CHST12: variants seen among roughly 807,000 people sequenced by gnomAD.
CHST12 encodes the protein carbohydrate (chondroitin 4) sulfotransferase 12.
A neutral mutation model predicts 27.9 loss-of-function variants in CHST12; 23 were observed. That is an observed-to-expected ratio of 0.82 (90% CI 0.59 to 1.17). CHST12 has a LOEUF of 1.17. CHST12 is among the 50% of genes most tolerant of loss of function. The pLI, the probability that CHST12 is intolerant of heterozygous loss-of-function variation, is 0.00. For synonymous variants in CHST12, 322 were observed against 273.0 expected (o/e 1.18, Z -1.77); for missense variants, 682 against 603.0 (o/e 1.13, Z -1.37).
chr7:2,422,638 C>T (rs570386627), intron 1 of CHST12, among the ~76,000 whole-genome samples: 76 of 152,054 alleles, frequency 5.0e-4, no homozygotes, highest in African/African-American at 1.6e-3. Flanking sequence ...CGGGTTCAAG[C>T]GATTCTCCTG....
chr7:2,417,905 T>G (rs1459520688), intron 1 of CHST12, among the ~76,000 whole-genome samples: 1 of 152,216 alleles, frequency 6.6e-6, no homozygotes, highest in Non-Finnish European at 1.5e-5. Context: ...TACGTGACCT[T>G]TTTGTGTGAT....
At chr7:2,406,048 C>T (rs149971198) in intron 1 of CHST12, among the ~76,000 whole-genome samples, 68 of 152,148 alleles carry the variant, frequency 4.5e-4, no homozygotes, top group African/African-American at 1.4e-3. Flanking sequence ...CTGAAGGAGC[C>T]ATCAGTGGGA....
chr7:2,405,205 G>A (rs1270041171), intron 1 of CHST12, among the ~76,000 whole-genome samples: 1 of 152,188 alleles, frequency 6.6e-6, no homozygotes. Context: ...AGCACTTTGG[G>A]AGGCAGAGGC....
chr7:2,421,103 G>A (rs1781961284), intron 1 of CHST12, among the ~76,000 whole-genome samples: 2 of 151,396 alleles, frequency 1.3e-5, no homozygotes, highest in Admixed American at 6.6e-5. Flanking sequence ...TGTTCCCCAG[G>A]CTGGAGTGCA....
At chr7:2,403,608 GC>G (rs1234463905), upstream of CHST12, 1 of 152,182 alleles carries the variant, frequency 6.6e-6, no homozygotes, top group East Asian at 1.9e-4. Context: ...TGGGGGGTCC[GC>G]TAGTCGCGGG....
chr7:2,427,785 G>C (rs765022102), intron 1 of CHST12, among the ~76,000 whole-genome samples: 1 of 152,058 alleles, frequency 6.6e-6, no homozygotes, highest in Non-Finnish European at 1.5e-5. Flanking sequence ...AGCCGTTCTT[G>C]CATACCCTAC....
intron 1 of CHST12, among the ~76,000 whole-genome samples, chr7:2,415,953 T>C (rs577135891): frequency 6.6e-6 from 1 of 152,352 alleles, no homozygotes; most frequent in African/African-American, 2.4e-5. Flanking sequence ...GCTGCATTTA[T>C]TGACTCTTAC....
Position 2,415,289 on chromosome 7 carries a change from C to T in CHST12, c.-78+11616C>T, listed in dbSNP as rs374782861. ...GCTAAGGCAGGAGGATCACCTGAAC[C>T]CCAGAGTAGAGGTTGCAGTGAGCCG... On this transcript the variant is annotated intron_variant, in intron 1 of 1. Coordinates refer to ENST00000618655, the MANE Select transcript of CHST12 (RefSeq NM_018641.5). 2.0e-5 allele frequency among the ~76,000 whole-genome samples: 3 copies of T among 151,972 alleles called. 1 individual carries two copies. Among genetic ancestry groups the T allele is most frequent in the East Asian group, 3.9e-4 (2 of 5,150 alleles).
At position 2,439,601 on chromosome 7, in the gene CHST12, C is replaced by G. The variant is rs990784251; in HGVS notation, c.*5717C>G. The G allele has an allele frequency of 6.6e-6, 1 of 151,734 alleles. No homozygotes were observed. Among genetic ancestry groups the G allele is most frequent in the Non-Finnish European group, 1.5e-5 (1 of 67,952 alleles). The allele number at this position is 151,734 out of a possible 1,614,324, so 9.4% of individuals were successfully genotyped here. The stretch of plus-strand genomic sequence containing the variant: ...TAATTTTTACATTTTTGGTAGAGGC[C>G]GGGTACGGTGGCTCATGCCTGTAAT... On this transcript the variant is annotated 3_prime_UTR_variant, in exon 2 of 2. Coordinates refer to ENST00000618655, the MANE Select transcript of CHST12 (RefSeq NM_018641.5).
Position 2,433,795 on chromosome 7 carries a change from C to T in CHST12, c.1156C>T (p.Leu386=), listed in dbSNP as rs1040697422. The T allele has an allele frequency of 9.9e-6, 16 of 1,614,046 alleles. No individual in the cohort carries two copies. The Admixed American group carries it at 1.8e-4, about 18-fold the overall frequency. The change falls in exon 2 of 2, where the codon CTG becomes TTG. Residue 386 remains leucine, a synonymous_variant. Transcript: ENST00000618655. The surrounding 1 kb of genome is among the most constrained non-coding windows in gnomAD (Gnocchi z 6.1). ...GGAGGACTGGTTCGCCAAGATCCCCCTGGCCTGGAGGCAGCAGCTGTATAA... is the reference window on the plus strand; with the variant it reads ...GGAGGACTGGTTCGCCAAGATCCCCTTGGCCTGGAGGCAGCAGCTGTATAA... ...WEEDWFAKIP[L]AWRQQLYKLY...
chr7:2,416,162 G>C (rs1781802968), intron 1 of CHST12, among the ~76,000 whole-genome samples: 1 of 152,144 alleles, frequency 6.6e-6, no homozygotes, highest in South Asian at 2.1e-4. Context: ...TCCTCCTCAA[G>C]AAACTGCTCT....
chr7:2,435,910 G>A lies in CHST12; in HGVS notation c.*2026G>A, dbSNP rs1782462660. 1 of 152,330 alleles carries A rather than the reference G, an allele frequency of 6.6e-6. No individual in the cohort carries two copies. The highest frequency in any genetic ancestry group is 6.5e-5 in the Admixed American group (1 of 15,270). 9.4% of individuals were successfully genotyped at this position (152,330 alleles called of 1,614,324 possible). A position where few individuals can be genotyped will look rare whatever the true frequency, so the allele number is the denominator to read the frequency against. On this transcript the variant is annotated 3_prime_UTR_variant, in exon 2 of 2. Coordinates refer to ENST00000618655, the MANE Select transcript of CHST12 (RefSeq NM_018641.5). ...GCTCACTGCAGCTTCAACCTCCTGG[G>A]CTCAAGTGATCTTCCCATCTCAGAC...
At chr7:2,428,555 G>A (rs1194448233) in intron 1 of CHST12, among the ~76,000 whole-genome samples, 1 of 152,192 alleles carries the variant, frequency 6.6e-6, no homozygotes, top group African/African-American at 2.4e-5. Flanking sequence ...GGATATACCA[G>A]CATTTATTAT....
At chr7:2,409,766 A>C (rs1401975696) in intron 1 of CHST12, among the ~76,000 whole-genome samples, 2 of 152,160 alleles carry the variant, frequency 1.3e-5, no homozygotes, top group African/African-American at 4.8e-5. Context: ...CATTGAATTG[A>C]CCCAAATGGG....
At position 2,434,816 on chromosome 7, in the gene CHST12, G is replaced by C. The variant is rs551442302; in HGVS notation, c.*932G>C. The C allele has an allele frequency of 1.1e-4, 17 of 152,172 alleles. No individual in the cohort carries two copies. The highest frequency in any genetic ancestry group is 9.8e-4 in the Admixed American group (15 of 15,238). 9.4% of individuals were successfully genotyped at this position (152,172 alleles called of 1,614,324 possible). ...CATTATGGCTATTAAGGCTGGGCAC[G>C]GTGGCTCATGCCTGCAATCCTGGCA... is the stretch of plus-strand genomic sequence containing the variant. On this transcript the variant is annotated 3_prime_UTR_variant, in exon 2 of 2. Coordinates refer to ENST00000618655, the MANE Select transcript of CHST12 (RefSeq NM_018641.5).
intron 1 of CHST12, among the ~76,000 whole-genome samples, chr7:2,404,580 C>T (rs1240685549): frequency 6.6e-6 from 1 of 152,166 alleles, no homozygotes; most frequent in African/African-American, 2.4e-5. Context: ...CTCAGCGGGT[C>T]CCCCACTTAC....
chr7:2,410,201 T>G (rs769061994), intron 1 of CHST12, among the ~76,000 whole-genome samples: 1 of 152,198 alleles, frequency 6.6e-6, no homozygotes, highest in Non-Finnish European at 1.5e-5. Context: ...AATCAGAGTT[T>G]GTCTGGTTTT....
Position 2,433,490 on chromosome 7 carries a change from T to A in CHST12, c.851T>A (p.Leu284Gln), listed in dbSNP as rs3735102. ...CGGCTGTACGCCAACCACACCAGCC[T>A]GCCCGCCTCGGCGCGCGAGGCCTTC... The part of the protein sequence containing the change: ...MLRLYANHTS[L>Q]PASAREAFRA... Residue 284 changes from leucine to glutamine, a missense_variant, in exon 2 of 2, where the codon CTG becomes CAG. By Grantham distance (113) the Leu-to-Gln change is moderately radical. Coordinates refer to ENST00000618655, the MANE Select transcript of CHST12 (RefSeq NM_018641.5). This position sits in a 1 kb window ranked among gnomAD's most constrained non-coding sequence, Gnocchi z 6.1. 2.0e-5 allele frequency: 32 copies of A among 1,611,766 alleles called. No homozygotes were observed. The East Asian group carries it at 6.7e-4, about 34-fold the overall frequency.
chr7:2,418,851 C>T (rs1283110171), intron 1 of CHST12, among the ~76,000 whole-genome samples: 2 of 152,190 alleles, frequency 1.3e-5, no homozygotes, highest in Admixed American at 1.3e-4. Flanking sequence ...GGCTGGAGTA[C>T]AACGGCACAA....
Sources: gnomAD v4.1 joint callset for allele counts (sites outside exome capture counted in the v4.1 genomes callset) on GRCh38, gnomAD v4.1.1 for gene constraint, Gnocchi (gnomAD v3.1) non-coding constraint, MANE v1.5 for transcripts, NCBI Gene and HGNC (gene_info 2026-07-23, HGNC 2026-07-21) for gene names.